The following EBF1 variants were observed in gnomAD, a reference collection of about 807,000 sequenced individuals.
EBF1 encodes the protein EBF transcription factor 1.
A neutral mutation model predicts 68.4 loss-of-function variants in EBF1; 10 were observed. The observed-to-expected ratio is 0.15, with a 90% CI of 0.09 to 0.25. The LOEUF is 0.25. EBF1 is among the 10% of genes least tolerant of loss of function. The pLI, the probability that EBF1 is intolerant of heterozygous loss-of-function variation, is 1.00. For missense variants in EBF1, 509 were observed against 794.4 expected, an observed-to-expected ratio of 0.64 and a Z score of 4.32; for synonymous variants, 298 against 299.8, an observed-to-expected ratio of 0.99 and a Z score of 0.06.
chr5:158,841,027 G>C (rs1790253890), intron 6 of EBF1, among the ~76,000 whole-genome samples: 1 of 152,142 alleles, frequency 6.6e-6, no homozygotes, highest in Non-Finnish European at 1.5e-5. Flanking sequence ...ATTGAATAAA[G>C]ATTTTCCTGC....
intron 6 of EBF1, among the ~76,000 whole-genome samples, chr5:158,922,500 G>C (rs1000054933): frequency 6.6e-6 from 1 of 152,192 alleles, no homozygotes; most frequent in Admixed American, 6.5e-5. Flanking sequence ...CATTTCTCCA[G>C]AATTTTGTGG....
chr5:158,971,295 T>C (rs528291160), intron 6 of EBF1, among the ~76,000 whole-genome samples: 15 of 152,244 alleles, frequency 9.9e-5, no homozygotes, highest in Non-Finnish European at 7.4e-5. Context: ...TCTCGGAAAA[T>C]AGCCTGTCCA....
At chr5:158,873,056 G>A (rs1466264393) in intron 6 of EBF1, among the ~76,000 whole-genome samples, 1 of 120,814 alleles carries the variant, frequency 8.3e-6, no homozygotes, top group African/African-American at 3.2e-5. Context: ...GATCCACAAT[G>A]GCTTAAAACA....
At chr5:158,878,084 A>C (rs937771408) in intron 6 of EBF1, among the ~76,000 whole-genome samples, 8 of 151,652 alleles carry the variant, frequency 5.3e-5, no homozygotes, top group African/African-American at 1.5e-4. Flanking sequence ...TGCAAGCAGA[A>C]GACAACCCAG....
intron 6 of EBF1, among the ~76,000 whole-genome samples, chr5:158,978,383 G>A (rs1757200601): frequency 6.6e-6 from 1 of 152,220 alleles, no homozygotes; most frequent in African/African-American, 2.4e-5. Flanking sequence ...GCACACTTGA[G>A]AACACACTGA....
At chr5:158,852,241 A>T (rs1793096207) in intron 6 of EBF1, among the ~76,000 whole-genome samples, 3 of 152,004 alleles carry the variant, frequency 2.0e-5, no homozygotes, top group South Asian at 2.1e-4. Context: ...GGGGTGGGGG[A>T]CACAGAATCT....
At chr5:159,095,543 G>C in intron 4 of EBF1, 77 bp downstream of exon 4, 1 of 1,549,968 alleles carries the variant, frequency 6.5e-7, no homozygotes, top group Non-Finnish European at 8.9e-7. Context: ...GCCCACCTGC[G>C]GTGGAGCAAC....
intron 6 of EBF1, among the ~76,000 whole-genome samples, chr5:158,862,094 T>C (rs1582669870): frequency 6.6e-6 from 1 of 152,202 alleles, no homozygotes; most frequent in Non-Finnish European, 1.5e-5. Context: ...AATAATCCCT[T>C]GGTGAACATT....
chr5:158,847,349 A>T (rs1339947021), intron 6 of EBF1, among the ~76,000 whole-genome samples: 2 of 152,246 alleles, frequency 1.3e-5, no homozygotes, highest in Non-Finnish European at 2.9e-5. Context: ...TCTGAAAGGC[A>T]GGAAAAAGTC....
rs1196787393 is a variant in EBF1 at position 158,908,133 on chromosome 5, C to T, written c.555-68023G>A. On this transcript the variant is annotated intron_variant, in intron 6 of 15. Coordinates refer to ENST00000313708, the MANE Select transcript of EBF1 (RefSeq NM_024007.5). ...GAAAAGACTTGTCAGTCGAAAGAAA[C>T]TTTGTGGCTCCTCTCACTATATCCT... Among the ~76,000 whole-genome samples, 3 of 152,286 alleles carry T rather than the reference C, an allele frequency of 2.0e-5. No homozygotes were observed. In the East Asian group the frequency reaches 5.8e-4, roughly 29 times the overall value.
At chr5:158,965,683 T>C (rs1753964200) in intron 6 of EBF1, among the ~76,000 whole-genome samples, 2 of 152,214 alleles carry the variant, frequency 1.3e-5, no homozygotes, top group East Asian at 1.9e-4. Flanking sequence ...GACATAAATG[T>C]TATAAAATGG....
chr5:158,800,512 T>C (rs573971273), intron 8 of EBF1, among the ~76,000 whole-genome samples: 8 of 152,304 alleles, frequency 5.3e-5, no homozygotes, highest in African/African-American at 1.9e-4. Flanking sequence ...ATTTAAAAAA[T>C]TAAGTAGCAG....
chr5:158,711,542 A>G (rs1023705820), intron 14 of EBF1, among the ~76,000 whole-genome samples: 5 of 152,186 alleles, frequency 3.3e-5, no homozygotes, highest in African/African-American at 9.7e-5. Flanking sequence ...TGAGGCTTGG[A>G]GAGGAAATGA....
chr5:158,904,794 G>A (rs961525218), intron 6 of EBF1, among the ~76,000 whole-genome samples: 2 of 152,030 alleles, frequency 1.3e-5, no homozygotes, highest in South Asian at 2.1e-4. Flanking sequence ...CATGCTCGCC[G>A]GTCTGCCCCA....
intron 8 of EBF1, among the ~76,000 whole-genome samples, chr5:158,821,006 C>A (rs1010075561): frequency 1.6e-4 from 25 of 152,210 alleles, no homozygotes; most frequent in African/African-American, 5.5e-4. Flanking sequence ...ACTGGAACAT[C>A]TGGCCCCACT....
chr5:158,969,840 AAG>A lies in EBF1; in HGVS notation c.554+103554_554+103555del, dbSNP rs372682646. On this transcript the variant is annotated intron_variant, in intron 6 of 15. Coordinates refer to ENST00000313708, the MANE Select transcript of EBF1 (RefSeq NM_024007.5). ...AGGAAAGAAAGACAGAAAAGAAAGA[AAG>A]AGAAAGAAAGAAAGAAAGAAAGAAA... 4.7e-3 allele frequency among the ~76,000 whole-genome samples: 558 copies of A among 119,856 alleles called. 2 individuals carry two copies. Among genetic ancestry groups the A allele is most frequent in the Non-Finnish European group, 8.2e-3 (457 of 55,732 alleles). 78.6% of individuals were successfully genotyped at this position (119,856 alleles called of 152,430 possible).
chr5:158,916,713 T>A (rs1241878250), intron 6 of EBF1, among the ~76,000 whole-genome samples: 3 of 152,208 alleles, frequency 2.0e-5, no homozygotes, highest in Non-Finnish European at 4.4e-5. Context: ...ATGTTATAAC[T>A]GTGTGCTTCA....
At chr5:158,851,771 A>C (rs1044934727) in intron 6 of EBF1, among the ~76,000 whole-genome samples, 3 of 104,884 alleles carry the variant, frequency 2.9e-5, no homozygotes, top group African/African-American at 1.2e-4. Flanking sequence ...ATGGAAGGTA[A>C]GGGAAGAGAA....
chr5:159,064,783 A>G (rs182714319), intron 6 of EBF1, among the ~76,000 whole-genome samples: 208 of 152,222 alleles, frequency 1.4e-3, no homozygotes, highest in African/African-American at 4.6e-3. Context: ...CTGTGTAGAG[A>G]AACATGGGTT....
Sources: gnomAD v4.1 joint callset for allele counts (sites outside exome capture counted in the v4.1 genomes callset) on GRCh38, gnomAD v4.1.1 for gene constraint, MANE v1.5 for transcripts, NCBI Gene and HGNC (gene_info 2026-07-23, HGNC 2026-07-21) for gene names.